The following RGS7 variants were observed in gnomAD, a reference collection of about 807,000 sequenced individuals.
The protein encoded by RGS7 is regulator of G-protein signaling 7.
A neutral mutation model predicts 81.1 loss-of-function variants in RGS7; 27 were observed. The ratio of observed to expected loss-of-function variants is 0.33; its 90% CI spans 0.25 to 0.46. The LOEUF (loss-of-function observed/expected upper bound fraction) is 0.46, where lower values mean the gene tolerates loss of function less well. RGS7 is among the 20% of genes least tolerant of loss of function. The pLI is 1.00. For synonymous variants in RGS7, 208 were observed against 207.7 expected (o/e 1.00, Z -0.01); for missense variants, 396 against 607.4 (o/e 0.65, Z 3.66).
intron 3 of RGS7, among the ~76,000 whole-genome samples, chr1:241,091,731 T>C (rs1003912005): frequency 7.3e-5 from 11 of 150,334 alleles, no homozygotes; most frequent in Admixed American, 7.3e-4. Context: ...ACAAAAAGTT[T>C]AAAAAATTAG....
At chr1:241,088,247 T>A (rs2678784) in intron 3 of RGS7, among the ~76,000 whole-genome samples, 1 of 150,732 alleles carries the variant, frequency 6.6e-6, no homozygotes, top group African/African-American at 2.4e-5. Flanking sequence ...ATCAAGAGAG[T>A]GAGAGAGGAA....
intron 2 of RGS7, among the ~76,000 whole-genome samples, chr1:241,182,760 T>C (rs1339504382): frequency 6.6e-6 from 1 of 151,306 alleles, no homozygotes; most frequent in Non-Finnish European, 1.5e-5. Flanking sequence ...GTGATTCTCC[T>C]GCCTCAGCCT....
At chr1:241,314,617 A>C (rs946371793) in intron 2 of RGS7, among the ~76,000 whole-genome samples, 15 of 152,238 alleles carry the variant, frequency 9.9e-5, no homozygotes, top group South Asian at 4.1e-4. Context: ...CCTATAATAC[A>C]TAAATTATAT....
chr1:241,127,545 C>T (rs373257252), intron 2 of RGS7, among the ~76,000 whole-genome samples: 2 of 151,918 alleles, frequency 1.3e-5, no homozygotes, highest in Admixed American at 6.6e-5. Context: ...ACTGTTGTGG[C>T]GTGGGGGGAG....
At chr1:240,942,525 T>A (rs1195724826) in intron 4 of RGS7, among the ~76,000 whole-genome samples, 1 of 152,252 alleles carries the variant, frequency 6.6e-6, no homozygotes, top group Admixed American at 6.5e-5. Flanking sequence ...TTATTTACTC[T>A]TATTTATGTG....
intron 9 of RGS7, among the ~76,000 whole-genome samples, chr1:240,859,743 A>C (rs1661849805): frequency 6.6e-6 from 1 of 151,742 alleles, no homozygotes; most frequent in Admixed American, 6.6e-5. Context: ...CTTCTCTTCT[A>C]CTTACTTTGG....
chr1:241,040,737 A>G (rs1415500475), intron 3 of RGS7, among the ~76,000 whole-genome samples: 1 of 152,042 alleles, frequency 6.6e-6, no homozygotes. Flanking sequence ...TGATCCGCCC[A>G]CCTCGGCCTC....
At chr1:240,822,958 CA>C (rs934979401) in intron 10 of RGS7, 21 of 486,710 alleles carry the variant, frequency 4.3e-5, no homozygotes, top group African/African-American at 3.9e-4. Flanking sequence ...ATAAATAATA[CA>C]TTTTTTTTCA....
chr1:240,983,770 AC>A lies in RGS7; in HGVS notation c.176-642del, dbSNP rs1349396376. Among the ~76,000 whole-genome samples the A allele has an allele frequency of 6.6e-5, 10 of 152,326 alleles. 1 individual carries two copies. Among genetic ancestry groups the A allele is most frequent in the African/African-American group, 2.4e-4 (10 of 41,574 alleles). On this transcript the variant is annotated intron_variant, in intron 3 of 18. Transcript: ENST00000440928. ...TCTTTTATTGTCGTGTTGATCACACACCATTGCCCCAGCTGTTTATTTGATG... is the reference window on the plus strand; with the variant it reads ...TCTTTTATTGTCGTGTTGATCACACACATTGCCCCAGCTGTTTATTTGATG...
chr1:240,972,810 C>T (rs1164566626), intron 4 of RGS7, among the ~76,000 whole-genome samples: 2 of 132,640 alleles, frequency 1.5e-5, no homozygotes, highest in African/African-American at 5.7e-5. Context: ...CCCTTGAGAC[C>T]AGAGTTTGAG....
chr1:240,884,356 T>C (rs1666983435), intron 6 of RGS7, among the ~76,000 whole-genome samples: 1 of 152,202 alleles, frequency 6.6e-6, no homozygotes, highest in Admixed American at 6.5e-5. Flanking sequence ...AGGAAACTTA[T>C]CCTGTATTTC....
chr1:241,123,848 T>C (rs1284164972), intron 2 of RGS7, among the ~76,000 whole-genome samples: 2 of 152,194 alleles, frequency 1.3e-5, no homozygotes, highest in African/African-American at 4.8e-5. Context: ...TATGTCCTAG[T>C]CATGGTAGCA....
At chr1:240,810,675 C>T (rs758812859) in intron 14 of RGS7, among the ~76,000 whole-genome samples, 38 of 152,264 alleles carry the variant, frequency 2.5e-4, no homozygotes, top group Non-Finnish European at 4.7e-4. Context: ...CTCTCAAATT[C>T]CTGGCCTCAA....
intron 3 of RGS7, among the ~76,000 whole-genome samples, chr1:241,070,892 T>C (rs950061857): frequency 7.9e-5 from 12 of 152,138 alleles, no homozygotes; most frequent in Non-Finnish European, 1.8e-4. Flanking sequence ...GGCATAAAAA[T>C]ATGTCCATTG....
At chr1:241,220,432 C>G (rs1558201878) in intron 2 of RGS7, among the ~76,000 whole-genome samples, 1 of 152,156 alleles carries the variant, frequency 6.6e-6, no homozygotes, top group Admixed American at 6.6e-5. Context: ...TAAAGCTCCC[C>G]AGATAATTCT....
intron 6 of RGS7, among the ~76,000 whole-genome samples, chr1:240,896,708 A>T (rs1248142935): frequency 1.3e-5 from 2 of 148,682 alleles, no homozygotes; most frequent in African/African-American, 4.9e-5. Context: ...GTTTGAAGTC[A>T]GGTTAGCGTG....
intron 4 of RGS7, among the ~76,000 whole-genome samples, chr1:240,972,159 T>C (rs1683303100): frequency 6.6e-6 from 1 of 152,194 alleles, no homozygotes; most frequent in Non-Finnish European, 1.5e-5. Flanking sequence ...TTGGGTCAGT[T>C]GGGTCCATGC....
At chr1:241,035,402 T>G (rs1411328414) in intron 3 of RGS7, among the ~76,000 whole-genome samples, 1 of 151,962 alleles carries the variant, frequency 6.6e-6, no homozygotes, top group Non-Finnish European at 1.5e-5. Context: ...CAAGGAAACA[T>G]CTATAGGAAT....
chr1:241,111,856 C>T (rs1475745551), intron 2 of RGS7, among the ~76,000 whole-genome samples: 1 of 152,124 alleles, frequency 6.6e-6, no homozygotes, highest in East Asian at 1.9e-4. Flanking sequence ...CATAAACTGA[C>T]TGAAAACAAT....
Sources: allele counts gnomAD v4.1 joint callset (sites outside exome capture counted in the v4.1 genomes callset), GRCh38; gene constraint gnomAD v4.1.1; transcripts MANE v1.5; gene names NCBI Gene and HGNC (gene_info 2026-07-23, HGNC 2026-07-21).